CHL1: variants seen among roughly 807,000 people sequenced by gnomAD.
CHL1 encodes cell adhesion molecule L1 like, also known as neural cell adhesion molecule L1-like protein.
CHL1 carries 96 observed loss-of-function variants against 141.9 expected under a neutral mutation model. That is an observed-to-expected ratio of 0.68 (90% CI 0.57 to 0.80). CHL1 has a LOEUF of 0.80. Ranked by LOEUF, CHL1 falls within the 30% of genes least tolerant of loss-of-function variation. CHL1 has a pLI of 0.00. For missense variants in CHL1, 1,820 were observed against 1,457.2 expected (o/e 1.25, Z -4.05); for synonymous variants, 613 against 502.2 (o/e 1.22, Z -2.95).
chr3:217,793 G>C (rs1490029012), intron 1 of CHL1: 2 of 152,136 alleles, frequency 1.3e-5, no homozygotes, highest in Non-Finnish European at 2.9e-5. Flanking sequence ...AATTCCAACA[G>C]TTAAGCTAGT....
intron 5 of CHL1, among the ~76,000 whole-genome samples, chr3:336,120 G>C (rs1436181975): frequency 6.6e-6 from 1 of 152,140 alleles, no homozygotes; most frequent in South Asian, 2.1e-4. Context: ...GCAGGCCCAA[G>C]CAGCTGACTT....
intron 27 of CHL1, among the ~76,000 whole-genome samples, chr3:404,990 C>T (rs1248378040): frequency 6.6e-6 from 1 of 152,122 alleles, no homozygotes; most frequent in Non-Finnish European, 1.5e-5. Context: ...TCTTTGTGTC[C>T]TCACATCGTG....
At chr3:271,337 G>T (rs988192993) in intron 2 of CHL1, among the ~76,000 whole-genome samples, 2 of 152,214 alleles carry the variant, frequency 1.3e-5, no homozygotes, top group Non-Finnish European at 2.9e-5. Flanking sequence ...TACTCAGGAG[G>T]CTGAGGCAGG....
intron 2 of CHL1, among the ~76,000 whole-genome samples, chr3:252,919 G>A (rs1233033140): frequency 6.6e-6 from 1 of 151,796 alleles, no homozygotes; most frequent in Non-Finnish European, 1.5e-5. Flanking sequence ...ATTAATTAAG[G>A]TAATTAAATA....
chr3:353,747 A>G (rs1703467258), intron 10 of CHL1, among the ~76,000 whole-genome samples: 1 of 152,232 alleles, frequency 6.6e-6, no homozygotes, highest in Admixed American at 6.5e-5. Context: ...TTAGCTAAAA[A>G]TGGAAATCTA....
At position 206,941 on chromosome 3, in the gene CHL1, C is replaced by T. The variant is rs189805236; in HGVS notation, c.-175+9878C>T. 2.1e-3 allele frequency among the ~76,000 whole-genome samples: 321 copies of T among 152,246 alleles called. 3 individuals are homozygous for T. Among genetic ancestry groups the T allele is most frequent in the African/African-American group, 7.3e-3 (305 of 41,538 alleles). On this transcript the variant is annotated intron_variant, in intron 1 of 27. Transcript: ENST00000256509. The stretch of plus-strand genomic sequence containing the variant: ...ACAAAGGTGTGAGTATCTGCTATTC[C>T]AGATTAAAATAGAAATCGTTGGCAA...
At chr3:205,922 A>G (rs1482881816) in intron 1 of CHL1, among the ~76,000 whole-genome samples, 1 of 152,212 alleles carries the variant, frequency 6.6e-6, no homozygotes, top group Non-Finnish European at 1.5e-5. Flanking sequence ...GTCACACAAT[A>G]TGTCTTGCAG....
intron 2 of CHL1, among the ~76,000 whole-genome samples, chr3:250,466 A>G (rs1416651858): frequency 2.0e-5 from 3 of 152,136 alleles, no homozygotes; most frequent in Non-Finnish European, 4.4e-5. Context: ...GTGGAAGATT[A>G]GGGTTATTTT....
intron 2 of CHL1, among the ~76,000 whole-genome samples, chr3:306,699 AT>A (rs372362249): frequency 2.4e-3 from 370 of 152,310 alleles, no homozygotes; most frequent in African/African-American, 6.9e-3. Context: ...GACAAAAAAA[AT>A]AATGCAAAAA....
chr3:308,577 T>TTA (rs537412768), intron 2 of CHL1: 1 of 150,364 alleles, frequency 6.7e-6, no homozygotes, highest in Middle Eastern at 3.6e-3. Flanking sequence ...CATAGGGAGA[T>TTA]TATATATATA....
At position 213,033 on chromosome 3, in the gene CHL1, C is replaced by T. The variant is rs115961069; in HGVS notation, c.-175+15970C>T. 3.9e-4 allele frequency among the ~76,000 whole-genome samples: 60 copies of T among 152,284 alleles called. 1 individual carries two copies. The highest frequency in any genetic ancestry group is 1.2e-3 in the African/African-American group (51 of 41,562). On this transcript the variant is annotated intron_variant, in intron 1 of 27. Coordinates refer to ENST00000256509, the MANE Select transcript of CHL1 (RefSeq NM_006614.4). The stretch of plus-strand genomic sequence containing the variant: ...GCAAACAATGAAAAGTAAGAGCAAA[C>T]GTTACTATGATGAAAGCAACTTGAA...
intron 2 of CHL1, among the ~76,000 whole-genome samples, chr3:310,094 G>T (rs1175286026): frequency 6.6e-6 from 1 of 152,008 alleles, no homozygotes; most frequent in Non-Finnish European, 1.5e-5. Flanking sequence ...ACAAACAGAG[G>T]GGATGGTATT....
intron 10 of CHL1, among the ~76,000 whole-genome samples, chr3:352,252 C>G (rs1703332587): frequency 6.6e-6 from 1 of 152,032 alleles, no homozygotes; most frequent in African/African-American, 2.4e-5. Flanking sequence ...TTTGTTGAAC[C>G]TAACAAGTTT....
At chr3:365,081 C>T (rs1471441568) in intron 14 of CHL1, among the ~76,000 whole-genome samples, 1 of 152,078 alleles carries the variant, frequency 6.6e-6, no homozygotes, top group Admixed American at 6.5e-5. Context: ...CCATTTTTAG[C>T]CAGTTCCTTG....
In CHL1 at chr3:382,154, C is replaced by T. The variant is rs769858989; in HGVS notation, c.1877-25C>T. 1.9e-6 allele frequency: 3 copies of T among 1,584,594 alleles called. No homozygotes were observed. The Admixed American group carries it at 5.1e-5, about 27-fold the overall frequency. ...TCAGGTAAACAAAGGCAATTATCTACATTTTCCCTTCCTTTATTAATTAGA... is the reference window on the plus strand; with the variant it reads ...TCAGGTAAACAAAGGCAATTATCTATATTTTCCCTTCCTTTATTAATTAGA... On this transcript the variant is annotated intron_variant, in intron 16 of 27. Coordinates refer to ENST00000256509, the MANE Select transcript of CHL1 (RefSeq NM_006614.4).
intron 1 of CHL1, among the ~76,000 whole-genome samples, chr3:220,128 A>G (rs1427174928): frequency 3.3e-5 from 5 of 152,216 alleles, no homozygotes; most frequent in African/African-American, 1.2e-4. Flanking sequence ...AGGGATAGCA[A>G]TAGAATCATT....
Position 360,227 on chromosome 3 carries a change from G to A in CHL1, c.1166-57G>A, listed in dbSNP as rs376122904. ...CTGTGTGACACATTTAATAAATGGT[G>A]TATAAATATTTTATGTCCTGTTCCT... On this transcript the variant is annotated intron_variant, in intron 11 of 27. Coordinates refer to ENST00000256509, the MANE Select transcript of CHL1 (RefSeq NM_006614.4). 26 of 1,577,560 alleles carry A rather than the reference G, an allele frequency of 1.6e-5. No homozygotes were observed. The African/African-American group carries it at 2.8e-4, about 17-fold the overall frequency.
intron 2 of CHL1, among the ~76,000 whole-genome samples, chr3:296,391 A>T (rs1261882332): frequency 6.6e-6 from 1 of 152,168 alleles, no homozygotes; most frequent in African/African-American, 2.4e-5. Flanking sequence ...GGCCTTAGGG[A>T]TACCTGATAT....
intron 2 of CHL1, among the ~76,000 whole-genome samples, chr3:253,796 C>T (rs753226234): frequency 1.3e-5 from 2 of 151,906 alleles, no homozygotes; most frequent in Non-Finnish European, 2.9e-5. Context: ...AAATATTGGA[C>T]GAATAAATGG....
Sources: gnomAD v4.1 joint callset for allele counts (sites outside exome capture counted in the v4.1 genomes callset) on GRCh38, gnomAD v4.1.1 for gene constraint, MANE v1.5 for transcripts, NCBI Gene and HGNC (gene_info 2026-07-23, HGNC 2026-07-21) for gene names.